MAGI2: variants seen among roughly 807,000 people sequenced by gnomAD.
The protein encoded by MAGI2 is membrane associated guanylate kinase, WW and PDZ domain containing 2.
A neutral mutation model predicts 133.3 loss-of-function variants in MAGI2; 35 were observed. That is an observed-to-expected ratio of 0.26 (90% confidence interval 0.20 to 0.35). The LOEUF (loss-of-function observed/expected upper bound fraction) is 0.35, where lower values mean the gene tolerates loss of function less well. MAGI2 is among the 10% of genes least tolerant of loss of function. The probability of loss-of-function intolerance (pLI) is 1.00; values close to 1 mark genes in which losing one functional copy is unlikely to be tolerated. For missense variants in MAGI2, 1,636 were observed against 1,863.4 expected, an observed-to-expected ratio of 0.88 and a Z score of 2.25; for synonymous variants, 729 against 710.6, an observed-to-expected ratio of 1.03 and a Z score of -0.41.
At chr7:78,196,697 C>A (rs1828772462) in intron 11 of MAGI2, among the ~76,000 whole-genome samples, 1 of 152,184 alleles carries the variant, frequency 6.6e-6, no homozygotes, top group South Asian at 2.1e-4. Flanking sequence ...GGGACTGGGA[C>A]TGTGGCAGGG....
At chr7:78,229,158 G>T (rs1789703045) in intron 10 of MAGI2, among the ~76,000 whole-genome samples, 1 of 152,374 alleles carries the variant, frequency 6.6e-6, no homozygotes, top group South Asian at 2.1e-4. Flanking sequence ...AATGGGAATG[G>T]TCTGTTAACT....
At chr7:78,559,775 G>C (rs1398678599) in intron 3 of MAGI2, among the ~76,000 whole-genome samples, 4 of 152,022 alleles carry the variant, frequency 2.6e-5, no homozygotes, top group Admixed American at 2.0e-4. Flanking sequence ...TCCCTGCCTT[G>C]AGAAGTGTTT....
intron 16 of MAGI2, among the ~76,000 whole-genome samples, chr7:78,157,441 A>G (rs1286278252): frequency 6.6e-6 from 1 of 152,194 alleles, no homozygotes; most frequent in South Asian, 2.1e-4. Flanking sequence ...TTGTTTTCCA[A>G]ATCTACTTAT....
chr7:79,082,928 G>C (rs1389231760), intron 1 of MAGI2, among the ~76,000 whole-genome samples: 1 of 151,508 alleles, frequency 6.6e-6, no homozygotes, highest in Admixed American at 6.6e-5. Flanking sequence ...ATTTACTCAA[G>C]TATTTTTACC....
intron 1 of MAGI2, among the ~76,000 whole-genome samples, chr7:79,138,854 A>G (rs1405335684): frequency 6.6e-6 from 1 of 151,884 alleles, no homozygotes; most frequent in African/African-American, 2.4e-5. Context: ...AAATACAAAA[A>G]AATTAGCCGG....
At chr7:78,320,727 C>T (rs1787910139) in intron 9 of MAGI2, among the ~76,000 whole-genome samples, 1 of 152,174 alleles carries the variant, frequency 6.6e-6, no homozygotes, top group Non-Finnish European at 1.5e-5. Context: ...CAAGGATGCC[C>T]TCTCTCACCA....
intron 21 of MAGI2, among the ~76,000 whole-genome samples, chr7:78,071,121 C>T (rs1040110864): frequency 6.6e-6 from 1 of 152,140 alleles, no homozygotes; most frequent in Non-Finnish European, 1.5e-5. Context: ...CATTATAGTC[C>T]GTGATTTTCA....
chr7:78,272,660 C>T (rs1469566179), intron 9 of MAGI2, among the ~76,000 whole-genome samples: 1 of 152,162 alleles, frequency 6.6e-6, no homozygotes, highest in Non-Finnish European at 1.5e-5. Flanking sequence ...ACAGTTAGCT[C>T]TTCTTGTTGG....
At position 78,017,817 on chromosome 7, in the gene MAGI2, C is replaced by T. The variant is rs747149770; in HGVS notation, c.*1498G>A. 1.3e-5 allele frequency: 2 copies of T among 152,324 alleles called. No homozygotes were observed. The highest frequency in any genetic ancestry group is 2.9e-5 in the Non-Finnish European group (2 of 68,068). 9.4% of individuals were successfully genotyped at this position (152,324 alleles called of 1,614,324 possible). A position where few individuals can be genotyped will look rare whatever the true frequency, so the allele number is the denominator to read the frequency against. ...ATTACGTGTGACCTTTGAGATGGAC[C>T]TGATCGCCCCTTTTACTTTTTAGAC... On this transcript the variant is annotated 3_prime_UTR_variant, in exon 22 of 22. Coordinates refer to ENST00000354212, the MANE Select transcript of MAGI2 (RefSeq NM_012301.4).
At chr7:78,281,368 C>G (rs1431684939) in intron 9 of MAGI2, among the ~76,000 whole-genome samples, 1 of 152,022 alleles carries the variant, frequency 6.6e-6, no homozygotes, top group East Asian at 1.9e-4. Context: ...GGGCAGTTTC[C>G]CCCATCCTGT....
rs201088493 is a variant in MAGI2 at position 78,458,638 on chromosome 7, G to GT, written c.1045+31122_1045+31123insA. ...CTTTGCTGCAATCTGTTTTTTGTTA[G>GT]GTTTTTTTTTTTTTGAGACAGAGTC... On this transcript the variant is annotated intron_variant, in intron 6 of 21. Transcript: ENST00000354212. 2.1e-4 allele frequency among the ~76,000 whole-genome samples: 28 copies of GT among 134,884 alleles called. 2 individuals are homozygous for GT. The highest frequency in any genetic ancestry group is 3.1e-4 in the Admixed American group (4 of 12,714). The allele number at this position is 134,884 out of a possible 152,430, so 88.5% of individuals were successfully genotyped here.
At chr7:79,174,097 T>C (rs896054197) in intron 1 of MAGI2, among the ~76,000 whole-genome samples, 11 of 152,192 alleles carry the variant, frequency 7.2e-5, no homozygotes, top group African/African-American at 2.4e-4. Context: ...ATTTCAGTTA[T>C]AGGTATGTAT....
At chr7:78,338,948 C>A (rs1790060946) in intron 9 of MAGI2, among the ~76,000 whole-genome samples, 1 of 151,924 alleles carries the variant, frequency 6.6e-6, no homozygotes, top group African/African-American at 2.4e-5. Flanking sequence ...TGAGTGCCAC[C>A]AGCCTGGGCA....
At chr7:78,984,839 G>A (rs571864124) in intron 2 of MAGI2, among the ~76,000 whole-genome samples, 3 of 151,954 alleles carry the variant, frequency 2.0e-5, no homozygotes, top group East Asian at 3.9e-4. Context: ...TAAGTTTCAC[G>A]AGGATAGAAA....
intron 1 of MAGI2, among the ~76,000 whole-genome samples, chr7:79,310,047 C>T (rs1213196166): frequency 1.4e-5 from 2 of 147,746 alleles, no homozygotes; most frequent in Non-Finnish European, 3.0e-5. Context: ...CTCCTGTAAT[C>T]CCAGCTACTT....
At chr7:78,742,143 G>T (rs1179350475) in intron 2 of MAGI2, among the ~76,000 whole-genome samples, 1 of 151,916 alleles carries the variant, frequency 6.6e-6, no homozygotes, top group Non-Finnish European at 1.5e-5. Flanking sequence ...GAATGATAAA[G>T]AAATAAATAC....
At chr7:78,133,315 C>A (rs988820160) in intron 17 of MAGI2, among the ~76,000 whole-genome samples, 1 of 151,914 alleles carries the variant, frequency 6.6e-6, no homozygotes, top group African/African-American at 2.4e-5. Flanking sequence ...AAAAGATTAC[C>A]AAAAAACCTC....
intron 4 of MAGI2, among the ~76,000 whole-genome samples, chr7:78,517,003 C>G (rs73376245): frequency 0.037 from 5,626 of 152,150 alleles, 248 homozygotes; most frequent in African/African-American, 0.1. Flanking sequence ...ATTTAAGTTG[C>G]AGAAGTAATG....
At chr7:79,447,779 T>C (rs1376159484) in intron 1 of MAGI2, among the ~76,000 whole-genome samples, 1 of 151,924 alleles carries the variant, frequency 6.6e-6, no homozygotes, top group East Asian at 1.9e-4. Flanking sequence ...GCAATACAAA[T>C]AGCCTTTTAA....
Sources: allele counts gnomAD v4.1 joint callset (sites outside exome capture counted in the v4.1 genomes callset), GRCh38; gene constraint gnomAD v4.1.1; transcripts MANE v1.5; gene names NCBI Gene and HGNC (gene_info 2026-07-23, HGNC 2026-07-21).